Variants in NPR2 observed in about 807,000 individuals in gnomAD.
NPR2 encodes the protein atrial natriuretic peptide receptor 2.
Under a neutral mutation model 120.7 loss-of-function variants are expected in NPR2, and 49 were observed. That is an observed-to-expected ratio of 0.41 (90% CI 0.32 to 0.52). The LOEUF is 0.52. Ranked by LOEUF, NPR2 falls within the 20% of genes least tolerant of loss-of-function variation. NPR2 has a pLI of 0.36. For synonymous variants in NPR2, 484 were observed against 519.8 expected, an observed-to-expected ratio of 0.93 and a Z score of 0.94; for missense variants, 931 against 1,362.9, an observed-to-expected ratio of 0.68 and a Z score of 4.99.
At chr9:35,793,682 G>T (rs1261632507) in intron 1 of NPR2, among the ~76,000 whole-genome samples, 1 of 152,128 alleles carries the variant, frequency 6.6e-6, no homozygotes, top group African/African-American at 2.4e-5. Flanking sequence ...CTGGGGTCTG[G>T]ACAGGCTCTG....
Position 35,808,495 on chromosome 9 carries a change from C to T in NPR2, c.2713-14C>T, listed in dbSNP as rs1588072644. The T allele has an allele frequency of 1.9e-6, 3 of 1,613,650 alleles. No homozygotes were observed. In the African/African-American group the frequency reaches 4.0e-5, roughly 22 times the overall value. ...TATAAATAGAGGTGACCTTTTAATCCCCCTCTCAATCAGGTGGAGACGATT... is the reference window on the plus strand; with the variant it reads ...TATAAATAGAGGTGACCTTTTAATCTCCCTCTCAATCAGGTGGAGACGATT... On this transcript the variant is annotated splice_polypyrimidine_tract_variant and intron_variant, in intron 18 of 21. Coordinates refer to ENST00000342694, the MANE Select transcript of NPR2 (RefSeq NM_003995.4). The surrounding 1 kb of genome is among the most constrained non-coding windows in gnomAD (Gnocchi z 4.0).
rs1828098428 is a variant in NPR2 at position 35,800,220 on chromosome 9, G to A, written c.1123+63G>A. 2 of 1,519,492 alleles carry A rather than the reference G, an allele frequency of 1.3e-6. No individual in the cohort carries two copies. Among genetic ancestry groups the A allele is most frequent in the Admixed American group, 3.3e-5 (2 of 59,912 alleles). 94.1% of individuals were successfully genotyped at this position (1,519,492 alleles called of 1,614,324 possible). On this transcript the variant is annotated intron_variant, in intron 4 of 21. Coordinates refer to ENST00000342694, the MANE Select transcript of NPR2 (RefSeq NM_003995.4). The surrounding 1 kb of genome is among the most constrained non-coding windows in gnomAD (Gnocchi z 4.7). ...GTCAGGAATAGAGTGGGCTGAAGAA[G>A]AAACAGATGTCAGGATCACCACAGC... is the stretch of plus-strand genomic sequence containing the variant.
rs564177556 is a variant in NPR2, at chr9:35,806,690, G to C, written c.2519+152G>C. On this transcript the variant is annotated intron_variant, in intron 16 of 21. Transcript: ENST00000342694. This position sits in a 1 kb window ranked among gnomAD's most constrained non-coding sequence, Gnocchi z 4.6. ...CTTATAGATTATTTGCTGTCATTCT[G>C]TCTCCACATCAGCTATGCTGCCTTC... is the stretch of plus-strand genomic sequence containing the variant. 3 of 877,088 alleles carry C rather than the reference G, an allele frequency of 3.4e-6. No individual in the cohort carries two copies. The highest frequency in any genetic ancestry group is 5.6e-6 in the Non-Finnish European group (3 of 539,370). The allele number at this position is 877,088 out of a possible 1,614,324, so 54.3% of individuals were successfully genotyped here.
intron 3 of NPR2, 38 bp downstream of exon 3, chr9:35,799,769 C>A: frequency 6.4e-7 from 1 of 1,558,012 alleles, no homozygotes; most frequent in Non-Finnish European, 8.9e-7. Flanking sequence ...TCAGGTCAAG[C>A]TTTGGGGAAG....
chr9:35,806,220 C>A lies in NPR2; in HGVS notation c.2359C>A (p.Arg787=). 1.2e-6 allele frequency: 2 copies of A among 1,614,170 alleles called. No individual in the cohort carries two copies. The highest frequency in any genetic ancestry group is 1.7e-6 in the Non-Finnish European group (2 of 1,180,042). The change falls in exon 15 of 22, where the codon CGG becomes AGG. Residue 787 remains arginine (R), a synonymous_variant. Transcript: ENST00000342694. This position sits in a 1 kb window ranked among gnomAD's most constrained non-coding sequence, Gnocchi z 4.6. ...PDFGQIKGFI[R]RFNKEGGTSI... ...CTTTGGACAGATTAAGGGCTTCATTCGGCGCTTTAACAAGTGAGAGGGCAT... is the reference window on the plus strand; with the variant it reads ...CTTTGGACAGATTAAGGGCTTCATTAGGCGCTTTAACAAGTGAGAGGGCAT...
rs762037268 is a variant in NPR2, at chr9:35,809,492, G to T, written c.*47G>T. The stretch of plus-strand genomic sequence containing the variant: ...GATAGTCTTCTGCTGCTGGTACCTG[G>T]GTGGGCAATGGCCACCATGTCTGCA... On this transcript the variant is annotated 3_prime_UTR_variant, in exon 22 of 22. Coordinates refer to ENST00000342694, the MANE Select transcript of NPR2 (RefSeq NM_003995.4). The surrounding 1 kb of genome is among the most constrained non-coding windows in gnomAD (Gnocchi z 4.1). The T allele has an allele frequency of 6.2e-7, 1 of 1,613,940 alleles. No individual in the cohort carries two copies. The highest frequency in any genetic ancestry group is 1.3e-5 in the African/African-American group (1 of 74,952).
In NPR2 at chr9:35,808,176, C is replaced by A; in HGVS notation, c.2713-333C>A. The A allele has an allele frequency of 1.9e-6, 3 of 1,613,450 alleles. No homozygotes were observed. The highest frequency in any genetic ancestry group is 2.5e-6 in the Non-Finnish European group (3 of 1,179,370). On this transcript the variant is annotated intron_variant, in intron 18 of 21. Coordinates refer to ENST00000342694, the MANE Select transcript of NPR2 (RefSeq NM_003995.4). The surrounding 1 kb of genome is among the most constrained non-coding windows in gnomAD (Gnocchi z 4.0). Reference sequence around the variant, plus strand: ...TCACTGGGCCTGCTTTACCTCCTCACCAGCCTCTGTCCTCTTGAGTTACCG... The same window carrying A: ...TCACTGGGCCTGCTTTACCTCCTCAACAGCCTCTGTCCTCTTGAGTTACCG...
At chr9:35,797,022 A>G (rs370008702) in intron 2 of NPR2, among the ~76,000 whole-genome samples, 6 of 152,230 alleles carry the variant, frequency 3.9e-5, no homozygotes, top group Non-Finnish European at 8.8e-5. Context: ...GATACTGGCT[A>G]CTAGGGAGAG....
chr9:35,808,673 G>A lies in NPR2; in HGVS notation c.2877G>A (p.Gly959=), dbSNP rs1828565817. 6.2e-7 allele frequency: 1 copy of A among 1,613,822 alleles called. No homozygotes were observed. Among genetic ancestry groups the A allele is most frequent in the African/African-American group, 1.3e-5 (1 of 74,862 alleles). The change falls in exon 19 of 22, where the codon GGG becomes GGA. Residue 959 remains glycine, a synonymous_variant. Transcript: ENST00000342694. This position sits in a 1 kb window ranked among gnomAD's most constrained non-coding sequence, Gnocchi z 4.0. ...ATGACCAGCTGAGGCTACGCATAGGGGTCCATACTGGTAAGGCTGACTCTC... is the reference window on the plus strand; with the variant it reads ...ATGACCAGCTGAGGCTACGCATAGGAGTCCATACTGGTAAGGCTGACTCTC... ...RPHDQLRLRI[G]VHTGPVCAGV... is the part of the protein sequence containing the mutation.
rs1278560790 is a variant in NPR2 at position 35,800,501 on chromosome 9, A to G, written c.1218+18A>G. 6.2e-7 allele frequency: 1 copy of G among 1,606,062 alleles called. No individual in the cohort carries two copies. The highest frequency in any genetic ancestry group is 8.5e-7 in the Non-Finnish European group (1 of 1,172,840). ...ACTTTCAGGTGATGGAGGAGGAGGCAGGGAAGAGAGTGTGGCCCTGCAAAA... is the reference window on the plus strand; with the variant it reads ...ACTTTCAGGTGATGGAGGAGGAGGCGGGGAAGAGAGTGTGGCCCTGCAAAA... On this transcript the variant is annotated intron_variant, in intron 5 of 21. Coordinates refer to ENST00000342694, the MANE Select transcript of NPR2 (RefSeq NM_003995.4). This position sits in a 1 kb window ranked among gnomAD's most constrained non-coding sequence, Gnocchi z 4.7.
rs754928680 is a variant in NPR2 at position 35,806,479 on chromosome 9, A to C, written c.2460A>C (p.Thr820=). ...TGGAGAAGCTGGTGGAGGAACGCAC[A>C]CAGGCCTATCTGGAGGAAAAACGCA... ...NNLEKLVEER[T]QAYLEEKRKA... is the part of the protein sequence containing the mutation. Residue 820 remains threonine (T), a synonymous_variant, in exon 16 of 22, where the codon ACA becomes ACC. Coordinates refer to ENST00000342694, the MANE Select transcript of NPR2 (RefSeq NM_003995.4). This position sits in a 1 kb window ranked among gnomAD's most constrained non-coding sequence, Gnocchi z 4.6. 15 of 1,614,078 alleles carry C rather than the reference A, an allele frequency of 9.3e-6. No homozygotes were observed. In the Admixed American group the frequency reaches 2.5e-4, roughly 27 times the overall value.
At chr9:35,801,608 G>T in intron 7 of NPR2, 35 bp from the exon 8 acceptor site, 1 of 1,613,798 alleles carries the variant, frequency 6.2e-7, no homozygotes, top group Non-Finnish European at 8.5e-7. Flanking sequence ...GCAGGATTCG[G>T]CTTGCCAGTC....
Position 35,806,910 on chromosome 9 carries a change from A to G in NPR2, c.2520-113A>G. 3 of 1,236,204 alleles carry G rather than the reference A, an allele frequency of 2.4e-6. No individual in the cohort carries two copies. The highest frequency in any genetic ancestry group is 3.5e-6 in the Non-Finnish European group (3 of 859,100). 76.6% of individuals were successfully genotyped at this position (1,236,204 alleles called of 1,614,324 possible). A position where few individuals can be genotyped will look rare whatever the true frequency, so the allele number is the denominator to read the frequency against. On this transcript the variant is annotated intron_variant, in intron 16 of 21. Transcript: ENST00000342694. This position sits in a 1 kb window ranked among gnomAD's most constrained non-coding sequence, Gnocchi z 4.6. ...AGCCACTTTCCTCCCTCCCACCTGAAAAGCCTAGCTTTCTTGTTACAGCTC... is the reference window on the plus strand; with the variant it reads ...AGCCACTTTCCTCCCTCCCACCTGAGAAGCCTAGCTTTCTTGTTACAGCTC...
chr9:35,792,126 C>T lies in NPR2; in HGVS notation c.-283C>T, dbSNP rs1361984157. On this transcript the variant is annotated 5_prime_UTR_variant, in exon 1 of 22. Coordinates refer to ENST00000342694, the MANE Select transcript of NPR2 (RefSeq NM_003995.4). ...TTCTTCACCTCGCACTGTCCCCATCCTGGCCGCAGGCCCCCTCGGTCCCTC... is the reference window on the plus strand; with the variant it reads ...TTCTTCACCTCGCACTGTCCCCATCTTGGCCGCAGGCCCCCTCGGTCCCTC... 1 of 526,736 alleles carries T rather than the reference C, an allele frequency of 1.9e-6. No homozygotes were observed. 32.6% of individuals were successfully genotyped at this position (526,736 alleles called of 1,614,324 possible). A position where few individuals can be genotyped will look rare whatever the true frequency, so the allele number is the denominator to read the frequency against.
intron 2 of NPR2, among the ~76,000 whole-genome samples, chr9:35,797,459 C>T (rs1827978362): frequency 6.6e-6 from 1 of 152,134 alleles, no homozygotes; most frequent in Non-Finnish European, 1.5e-5. Flanking sequence ...AAACCAAGGG[C>T]TTGGAGATCA....
At position 35,802,745 on chromosome 9, in the gene NPR2, A is replaced by G; in HGVS notation, c.1829A>G (p.Asn610Ser). 1 of 1,612,204 alleles carries G rather than the reference A, an allele frequency of 6.2e-7. No individual in the cohort carries two copies. ...PRGSLQDILE[N>S]DSINLDWMFR... ...GTCACTTACCAGGATATTCTAGAAA[A>G]TGACAGCATCAACTTGGACTGGATG... Residue 610 changes from asparagine to serine, a missense_variant, in exon 12 of 22, where the codon AAT becomes AGT. This residue lies in a region of NPR2 where 681 missense variants were observed against 974.3 expected (regional missense o/e 0.70). Coordinates refer to ENST00000342694, the MANE Select transcript of NPR2 (RefSeq NM_003995.4). The surrounding 1 kb of genome is among the most constrained non-coding windows in gnomAD (Gnocchi z 4.2).
Position 35,806,346 on chromosome 9 carries a change from A to C in NPR2, c.2373-46A>C, listed in dbSNP as rs28764012. On this transcript the variant is annotated intron_variant, in intron 15 of 21. Transcript: ENST00000342694. This position sits in a 1 kb window ranked among gnomAD's most constrained non-coding sequence, Gnocchi z 4.6. ...GTGGGTTGGATAGGAAGTCCTGGGA[A>C]TCTTCAGAATCTTAGAGCAAGTGCC... The C allele has an allele frequency of 1.3e-4, 205 of 1,612,034 alleles. No individual in the cohort carries two copies. Among genetic ancestry groups the C allele is most frequent in the Non-Finnish European group, 1.6e-4 (188 of 1,178,188 alleles).
Position 35,800,628 on chromosome 9 carries a change from G to C in NPR2, c.1219-81G>C. Reference sequence around the variant, plus strand: ...TCCTGGCTGGGTGGTAGGCTGGGGAGAAAAGCAGCGAAACAGCTGGGGTCT... The same window carrying C: ...TCCTGGCTGGGTGGTAGGCTGGGGACAAAAGCAGCGAAACAGCTGGGGTCT... On this transcript the variant is annotated intron_variant, in intron 5 of 21. Transcript: ENST00000342694. The surrounding 1 kb of genome is among the most constrained non-coding windows in gnomAD (Gnocchi z 4.7). 1 of 1,609,682 alleles carries C rather than the reference G, an allele frequency of 6.2e-7. No homozygotes were observed. Among genetic ancestry groups the C allele is most frequent in the Non-Finnish European group, 8.5e-7 (1 of 1,176,682 alleles).
chr9:35,793,097 T>G (rs1399757911), intron 1 of NPR2, 22 bp downstream of exon 1: 1 of 1,573,016 alleles, frequency 6.4e-7, no homozygotes, highest in South Asian at 1.2e-5. Flanking sequence ...CTGGGCTATT[T>G]TAGGGTCATG....
Sources: allele counts gnomAD v4.1 joint callset (sites outside exome capture counted in the v4.1 genomes callset), GRCh38; gene constraint gnomAD v4.1.1; regional missense constraint gnomAD v4.1.1; non-coding constraint Gnocchi (gnomAD v3.1); transcripts MANE v1.5; gene names NCBI Gene and HGNC (gene_info 2026-07-23, HGNC 2026-07-21).